The following GPD2 variants were observed in gnomAD, a reference collection of about 807,000 sequenced individuals.
GPD2 encodes the protein glycerol-3-phosphate dehydrogenase 2.
In GPD2, 54 loss-of-function variants were observed where a neutral mutation model predicts 82.4. The observed-to-expected ratio is 0.66, with a 90% CI of 0.53 to 0.82. The LOEUF (loss-of-function observed/expected upper bound fraction) is 0.82, where lower values mean the gene tolerates loss of function less well. GPD2 is among the 40% of genes least tolerant of loss of function. The probability of loss-of-function intolerance (pLI) is 0.00; values close to 1 mark genes in which losing one functional copy is unlikely to be tolerated. For missense variants in GPD2, 748 were observed against 896.2 expected (o/e 0.83, Z 2.11); for synonymous variants, 288 against 306.1 (o/e 0.94, Z 0.62).
intron 6 of GPD2, among the ~76,000 whole-genome samples, chr2:156,543,766 C>T (rs1686418375): frequency 6.6e-6 from 1 of 152,132 alleles, no homozygotes; most frequent in Non-Finnish European, 1.5e-5. Context: ...GCACTGCGGT[C>T]AGTCTGGAAA....
chr2:156,512,247 G>C lies in GPD2; in HGVS notation c.427G>C (p.Glu143Gln). ...TAGGATGGTAAAAGAAGCCCTTCATGAGCGTGCCAACCTGCTAGAAATTGC... is the reference window on the plus strand; with the variant it reads ...TAGGATGGTAAAAGAAGCCCTTCATCAGCGTGCCAACCTGCTAGAAATTGC... ...QYRMVKEALH[E>Q]RANLLEIAPH... The change falls in exon 5 of 17, where the codon GAG becomes CAG. Residue 143 changes from glutamate to glutamine, a missense_variant. Transcript: ENST00000438166. The C allele has an allele frequency of 1.3e-6, 2 of 1,598,446 alleles. No homozygotes were observed. Among genetic ancestry groups the C allele is most frequent in the Non-Finnish European group, 1.7e-6 (2 of 1,165,802 alleles).
chr2:156,449,158 A>T (rs1014361846), intron 1 of GPD2, among the ~76,000 whole-genome samples: 5 of 149,144 alleles, frequency 3.4e-5, no homozygotes, highest in Non-Finnish European at 7.5e-5. Flanking sequence ...ACATTGGTGA[A>T]TTTTTTTTTT....
chr2:156,557,677 T>C lies in GPD2; in HGVS notation c.1165+95T>C, dbSNP rs1269344321. ...ATAAATGCTATGTCTCCAGTCTGAC[T>C]CATCTTCACACTTGTCCTCTTGTGC... On this transcript the variant is annotated intron_variant, in intron 9 of 16. Coordinates refer to ENST00000438166, the MANE Select transcript of GPD2 (RefSeq NM_000408.5). 15 of 776,464 alleles carry C rather than the reference T, an allele frequency of 1.9e-5. No homozygotes were observed. In the South Asian group the frequency reaches 2.1e-4, roughly 11 times the overall value. 48.1% of individuals were successfully genotyped at this position (776,464 alleles called of 1,614,324 possible).
At chr2:156,441,668 CA>C (rs1682180947) in intron 1 of GPD2, among the ~76,000 whole-genome samples, 1 of 152,190 alleles carries the variant, frequency 6.6e-6, no homozygotes, top group African/African-American at 2.4e-5. Flanking sequence ...CTAAGTCTAA[CA>C]GAAGTGTGGA....
chr2:156,566,283 A>G (rs890075812), intron 9 of GPD2, among the ~76,000 whole-genome samples: 1 of 152,110 alleles, frequency 6.6e-6, no homozygotes, highest in Non-Finnish European at 1.5e-5. Flanking sequence ...CATTACGTAC[A>G]TTCACATTGT....
At chr2:156,414,474 A>G in the GPD2 span, among the ~76,000 whole-genome samples, 1 of 152,232 alleles carries the variant, frequency 6.6e-6, no homozygotes, top group Non-Finnish European at 1.5e-5. Flanking sequence ...GAAAGGATTC[A>G]TAATGCTTCT....
the GPD2 span, among the ~76,000 whole-genome samples, chr2:156,403,428 A>G: frequency 6.6e-6 from 1 of 152,184 alleles, no homozygotes; most frequent in Non-Finnish European, 1.5e-5. Context: ...TAATGCTTGG[A>G]GCTGCCCCAA....
At chr2:156,529,290 T>C (rs1385765545) in intron 6 of GPD2, among the ~76,000 whole-genome samples, 1 of 149,932 alleles carries the variant, frequency 6.7e-6, no homozygotes, top group Non-Finnish European at 1.5e-5. Flanking sequence ...GGGTTGTTTG[T>C]TTTTTTCTTG....
At chr2:156,549,333 T>C (rs1029116474) in intron 6 of GPD2, among the ~76,000 whole-genome samples, 2 of 152,228 alleles carry the variant, frequency 1.3e-5, no homozygotes, top group African/African-American at 4.8e-5. Context: ...TAATTACTTA[T>C]TTCTTAACTT....
intron 1 of GPD2, among the ~76,000 whole-genome samples, chr2:156,450,508 A>T (rs189922576): frequency 1.1e-3 from 170 of 152,154 alleles, no homozygotes; most frequent in Middle Eastern, 0.01. Context: ...AAAAGATATT[A>T]AAAAAGAGAC....
the GPD2 span, among the ~76,000 whole-genome samples, chr2:156,429,960 G>C: frequency 1.3e-5 from 2 of 152,286 alleles, no homozygotes; most frequent in South Asian, 4.1e-4. Context: ...TTGGTAAGTA[G>C]TAAACTTGTA....
chr2:156,576,238 T>C (rs988649980), intron 13 of GPD2, among the ~76,000 whole-genome samples: 1 of 152,214 alleles, frequency 6.6e-6, no homozygotes, highest in African/African-American at 2.4e-5. Context: ...ATATCTAGAT[T>C]GATGATGCTG....
At chr2:156,433,240 C>T (rs958649893), upstream of GPD2, among the ~76,000 whole-genome samples, 5 of 152,152 alleles carry the variant, frequency 3.3e-5, no homozygotes, top group Non-Finnish European at 5.9e-5. Context: ...TCCCTCTTGC[C>T]TGGGGACTAG....
At chr2:156,463,582 C>T (rs1683058228) in intron 1 of GPD2, among the ~76,000 whole-genome samples, 1 of 152,108 alleles carries the variant, frequency 6.6e-6, no homozygotes, top group Admixed American at 6.5e-5. Context: ...AAGGCTAGCT[C>T]ATATATAGTT....
intron 3 of GPD2, among the ~76,000 whole-genome samples, chr2:156,499,442 G>A (rs1684506654): frequency 6.6e-6 from 1 of 152,100 alleles, no homozygotes; most frequent in African/African-American, 2.4e-5. Context: ...CTGATAAGGG[G>A]TCATGAAGTT....
intron 1 of GPD2, among the ~76,000 whole-genome samples, chr2:156,456,349 A>C (rs1265337746): frequency 6.6e-6 from 1 of 152,052 alleles, no homozygotes; most frequent in African/African-American, 2.4e-5. Flanking sequence ...CACATCTATA[A>C]CCGTAGCACT....
At position 156,583,074 on chromosome 2, in the gene GPD2, G is replaced by A; in HGVS notation, c.*156G>A. 1 of 767,066 alleles carries A rather than the reference G, an allele frequency of 1.3e-6. No homozygotes were observed. The highest frequency in any genetic ancestry group is 2.2e-6 in the Non-Finnish European group (1 of 447,730). 47.5% of individuals were successfully genotyped at this position (767,066 alleles called of 1,614,324 possible). ...AAAACTTTAAGGTGTTGGTGTATTT[G>A]CCAGCTTTATTTGCTGTACTTTATT... On this transcript the variant is annotated 3_prime_UTR_variant, in exon 17 of 17. Transcript: ENST00000438166.
the GPD2 span, among the ~76,000 whole-genome samples, chr2:156,414,200 A>C: frequency 6.6e-6 from 1 of 152,246 alleles, no homozygotes; most frequent in Non-Finnish European, 1.5e-5. Context: ...ATAAAGAACA[A>C]ATGTCATCAA....
At chr2:156,565,161 TAGTC>T (rs943652606) in intron 9 of GPD2, among the ~76,000 whole-genome samples, 2 of 152,132 alleles carry the variant, frequency 1.3e-5, no homozygotes, top group African/African-American at 4.8e-5. Flanking sequence ...ACTTTAAAAT[TAGTC>T]AGAGAGCTTC....
Sources: gnomAD v4.1 joint callset for allele counts (sites outside exome capture counted in the v4.1 genomes callset) on GRCh38, gnomAD v4.1.1 for gene constraint, MANE v1.5 for transcripts, NCBI Gene and HGNC (gene_info 2026-07-23, HGNC 2026-07-21) for gene names.